Variants in BAZ1A observed in about 807,000 individuals in gnomAD.
The protein encoded by BAZ1A is bromodomain adjacent to zinc finger domain protein 1A.
In BAZ1A, 50 loss-of-function variants were observed where a neutral mutation model predicts 185.2. The ratio of observed to expected loss-of-function variants is 0.27; its 90% CI spans 0.22 to 0.34. The LOEUF (loss-of-function observed/expected upper bound fraction) is 0.34, where lower values mean the gene tolerates loss of function less well. Among genes scored for constraint, BAZ1A ranks in the 10% least tolerant of loss-of-function variants. The probability of loss-of-function intolerance (pLI) is 1.00; values close to 1 mark genes in which losing one functional copy is unlikely to be tolerated. For synonymous variants in BAZ1A, 571 were observed against 615.6 expected (o/e 0.93, Z 1.07); for missense variants, 1,356 against 1,839.9 (o/e 0.74, Z 4.81).
At chr14:34,844,844 A>G (rs1305970334) in intron 3 of BAZ1A, among the ~76,000 whole-genome samples, 2 of 152,108 alleles carry the variant, frequency 1.3e-5, no homozygotes, top group Non-Finnish European at 2.9e-5. Flanking sequence ...TAAAAATAGA[A>G]AAATAATCCT....
At position 34,814,311 on chromosome 14, in the gene BAZ1A, A is replaced by G. The variant is rs1247307569; in HGVS notation, c.537-3275T>C. ...ATATTAACATATAAATATATTTTAT[A>G]TAACCAATTAAATACACAAAAAATC... On this transcript the variant is annotated intron_variant, in intron 4 of 26. Transcript: ENST00000360310. 2.0e-5 allele frequency among the ~76,000 whole-genome samples: 3 copies of G among 151,870 alleles called. No homozygotes were observed. The South Asian group carries it at 6.2e-4, about 31-fold the overall frequency.
intron 3 of BAZ1A, among the ~76,000 whole-genome samples, chr14:34,854,632 T>C (rs568203473): frequency 6.6e-6 from 1 of 152,246 alleles, no homozygotes; most frequent in East Asian, 1.9e-4. Flanking sequence ...CATACATACA[T>C]ATACATTTTC....
At chr14:34,843,502 G>A (rs1332318620) in intron 3 of BAZ1A, among the ~76,000 whole-genome samples, 1 of 152,098 alleles carries the variant, frequency 6.6e-6, no homozygotes, top group African/African-American at 2.4e-5. Flanking sequence ...GACATGTAAG[G>A]CTATCCTAGA....
At chr14:34,840,760 CCCAAAA>C (rs1566590678) in intron 3 of BAZ1A, among the ~76,000 whole-genome samples, 4 of 131,962 alleles carry the variant, frequency 3.0e-5, no homozygotes, top group Non-Finnish European at 5.0e-5. Flanking sequence ...CTGTCTCCCC[CCCAAAA>C]ACAAACAAAC....
intron 3 of BAZ1A, among the ~76,000 whole-genome samples, chr14:34,847,944 C>T (rs762521333): frequency 6.6e-6 from 1 of 152,154 alleles, no homozygotes; most frequent in Non-Finnish European, 1.5e-5. Context: ...ACTGCAACCT[C>T]TGCTTCCTGG....
At chr14:34,858,034 A>C (rs139297567) in intron 3 of BAZ1A, among the ~76,000 whole-genome samples, 2 of 152,326 alleles carry the variant, frequency 1.3e-5, no homozygotes, top group East Asian at 3.9e-4. Flanking sequence ...TGCCATTTTA[A>C]GTGCTAGCAA....
intron 8 of BAZ1A, among the ~76,000 whole-genome samples, chr14:34,800,693 T>C (rs926313333): frequency 6.6e-5 from 10 of 152,084 alleles, no homozygotes; most frequent in African/African-American, 2.4e-4. Flanking sequence ...AGAATCTCAT[T>C]CCCCCACCAG....
intron 4 of BAZ1A, among the ~76,000 whole-genome samples, chr14:34,815,952 T>C (rs568752542): frequency 6.6e-6 from 1 of 152,254 alleles, no homozygotes; most frequent in African/African-American, 2.4e-5. Flanking sequence ...AACAATTAGG[T>C]CTGCTTCTTT....
At chr14:34,819,030 A>T (rs888974658) in intron 4 of BAZ1A, among the ~76,000 whole-genome samples, 5 of 150,554 alleles carry the variant, frequency 3.3e-5, no homozygotes, top group African/African-American at 1.2e-4. Context: ...AGTCCCAGCC[A>T]CTCGGGAGGC....
chr14:34,836,160 A>C lies in BAZ1A; in HGVS notation c.393-10004T>G, dbSNP rs1377166316. ...TTTGGGAGGCCGAGGCGGGCGGATC[A>C]CGAGGTCAGGAGATCGAGACCATCC... On this transcript the variant is annotated intron_variant, in intron 3 of 26. Coordinates refer to ENST00000360310, the MANE Select transcript of BAZ1A (RefSeq NM_013448.3). Among the ~76,000 whole-genome samples, 19 of 87,848 alleles carry C rather than the reference A, an allele frequency of 2.2e-4. 7 individuals carry two copies. The highest frequency in any genetic ancestry group is 7.1e-4 in the African/African-American group (19 of 26,650). 57.6% of individuals were successfully genotyped at this position (87,848 alleles called of 152,430 possible).
chr14:34,852,689 G>C (rs1461513274), intron 3 of BAZ1A, among the ~76,000 whole-genome samples: 1 of 152,062 alleles, frequency 6.6e-6, no homozygotes, highest in Non-Finnish European at 1.5e-5. Context: ...CTACATGAAT[G>C]GCAACATTCT....
At chr14:34,774,905 A>G (rs1282506119) in intron 18 of BAZ1A, among the ~76,000 whole-genome samples, 1 of 152,266 alleles carries the variant, frequency 6.6e-6, no homozygotes, top group East Asian at 1.9e-4. Context: ...CAAATGGCCA[A>G]TGAGCACATG....
chr14:34,765,762 T>C lies in BAZ1A; in HGVS notation c.3302-494A>G, dbSNP rs1390645542. On this transcript the variant is annotated intron_variant, in intron 21 of 26. Transcript: ENST00000360310. ...ACCAAAATGGATTTTTCAGCACTAA[T>C]ATTTATATAGAAACATTTGAAACCT... is the stretch of plus-strand genomic sequence containing the variant. Among the ~76,000 whole-genome samples, 3 of 152,336 alleles carry C rather than the reference T, an allele frequency of 2.0e-5. No homozygotes were observed. In the South Asian group the frequency reaches 6.2e-4, roughly 32 times the overall value.
intron 10 of BAZ1A, among the ~76,000 whole-genome samples, chr14:34,795,413 A>G (rs1881131523): frequency 6.6e-6 from 1 of 152,246 alleles, no homozygotes. Flanking sequence ...GCCTGGCTAC[A>G]GTGGTTTTTG....
chr14:34,869,447 C>A (rs2042918083), intron 2 of BAZ1A, among the ~76,000 whole-genome samples: 1 of 152,126 alleles, frequency 6.6e-6, no homozygotes, highest in Non-Finnish European at 1.5e-5. Context: ...AGAACTATCT[C>A]AAACATCTGA....
chr14:34,831,810 T>TA (rs1014075938), intron 3 of BAZ1A, among the ~76,000 whole-genome samples: 1 of 152,070 alleles, frequency 6.6e-6, no homozygotes, highest in African/African-American at 2.4e-5. Flanking sequence ...CTGCTCTTTT[T>TA]AAAAAATTGA....
At chr14:34,819,344 T>C (rs931779125) in intron 4 of BAZ1A, among the ~76,000 whole-genome samples, 9 of 152,140 alleles carry the variant, frequency 5.9e-5, no homozygotes, top group Non-Finnish European at 4.4e-5. Flanking sequence ...AGAAATCCTC[T>C]GTGCTCTGAG....
At chr14:34,829,266 T>TG (rs1438923358) in intron 3 of BAZ1A, among the ~76,000 whole-genome samples, 5 of 65,938 alleles carry the variant, frequency 7.6e-5, no homozygotes, top group African/African-American at 1.2e-4. Context: ...ACTCTGTCTC[T>TG]GAAAAAAAAA....
chr14:34,847,985 A>C (rs1236955007), intron 3 of BAZ1A, among the ~76,000 whole-genome samples: 1 of 151,956 alleles, frequency 6.6e-6, no homozygotes, highest in Non-Finnish European at 1.5e-5. Context: ...TCAGTCTCCC[A>C]AGTACCTGGC....
Sources: gnomAD v4.1 joint callset for allele counts (sites outside exome capture counted in the v4.1 genomes callset) on GRCh38, gnomAD v4.1.1 for gene constraint, MANE v1.5 for transcripts, NCBI Gene and HGNC (gene_info 2026-07-23, HGNC 2026-07-21) for gene names.